Variants in SP140 observed in about 807,000 individuals in gnomAD.
SP140 encodes the protein SP140 nuclear body protein, also known as nuclear body protein SP140.
In SP140, 81 loss-of-function variants were observed where a neutral mutation model predicts 125.0. The observed-to-expected ratio is 0.65, with a 90% CI of 0.54 to 0.78. SP140 has a LOEUF of 0.78. Ranked by LOEUF, SP140 falls within the 30% of genes least tolerant of loss-of-function variation. The probability of loss-of-function intolerance (pLI) is 0.00; values close to 1 mark genes in which losing one functional copy is unlikely to be tolerated. For missense variants in SP140, 858 were observed against 1,037.0 expected (o/e 0.83, Z 2.37); for synonymous variants, 312 against 354.0 (o/e 0.88, Z 1.33).
the SP140 span, among the ~76,000 whole-genome samples, chr2:230,186,390 C>T: frequency 0.011 from 1,642 of 152,214 alleles, 21 homozygotes; most frequent in African/African-American, 0.037. Flanking sequence ...CTGTCTTGCT[C>T]ACTGCTGAGT....
chr2:230,292,566 T>C, intron 19 of SP140, 80 bp from the exon 20 acceptor site: 1 of 1,580,382 alleles, frequency 6.3e-7, no homozygotes, highest in Non-Finnish European at 8.7e-7. Flanking sequence ...TGGGTGGCTC[T>C]AGATCCAGTG....
At chr2:230,219,712 C>G (rs955373497) in intron 3 of SP140, 2 of 157,524 alleles carry the variant, frequency 1.3e-5, no homozygotes, top group Non-Finnish European at 2.7e-5. Flanking sequence ...CCTCCATGTG[C>G]CCCCTTTTAA....
At chr2:230,297,844 G>A (rs2057900452) in intron 22 of SP140, among the ~76,000 whole-genome samples, 1 of 152,136 alleles carries the variant, frequency 6.6e-6, no homozygotes, top group African/African-American at 2.4e-5. Context: ...TAAGTGGTGT[G>A]GATGAAAGGG....
In SP140 at chr2:230,278,009, T is replaced by C. The variant is rs557456946; in HGVS notation, c.1499-6337T>C. Among the ~76,000 whole-genome samples, 15 of 152,232 alleles carry C rather than the reference T, an allele frequency of 9.9e-5. 1 individual carries two copies. Among genetic ancestry groups the C allele is most frequent in the African/African-American group, 3.6e-4 (15 of 41,570 alleles). ...TATAAATTCATACCCCAAAGTGAGA[T>C]TTCTGGATTGTATGTATTTCTGTTT... On this transcript the variant is annotated intron_variant, in intron 15 of 26. Transcript: ENST00000392045.
intron 1 of SP140, chr2:230,230,665 TTAA>T (rs1327315209): frequency 3.3e-5 from 5 of 152,228 alleles, no homozygotes; most frequent in Middle Eastern, 3.1e-3. Context: ...ATGGAGTCAG[TTAA>T]TTTAGATTCC....
At position 230,226,762 on chromosome 2, in the gene SP140, CAAA is replaced by C. The variant is rs11323886; in HGVS notation, c.59+876_59+878del. 3.1e-3 allele frequency among the ~76,000 whole-genome samples: 296 copies of C among 94,228 alleles called. 3 individuals carry two copies. The highest frequency in any genetic ancestry group is 4.6e-3 in the Non-Finnish European group (215 of 46,998). 61.8% of individuals were successfully genotyped at this position (94,228 alleles called of 152,430 possible). ...GGGCAACAAGAGTGAAATTCCATCT[CAAA>C]AAAAAAAAAAAAAAAAGACAAGTAC... On this transcript the variant is annotated intron_variant, in intron 1 of 26. Transcript: ENST00000392045.
intron 1 of SP140, 131 bp downstream of exon 1, chr2:230,226,034 G>A (rs2046289379): frequency 2.7e-6 from 2 of 735,136 alleles, no homozygotes; most frequent in Non-Finnish European, 4.5e-6. Context: ...AAATAACGAG[G>A]CAATCAGATT....
chr2:230,207,913 C>A (rs1574719778), intron 1 of SP140: 2 of 737,056 alleles, frequency 2.7e-6, no homozygotes, highest in African/African-American at 1.8e-5. Context: ...GAATAAAATT[C>A]AACCCTCCAC....
intron 12 of SP140, among the ~76,000 whole-genome samples, chr2:230,262,000 A>T (rs59786244): frequency 6.6e-6 from 1 of 152,066 alleles, no homozygotes; most frequent in East Asian, 1.9e-4. Context: ...TTCTTTCTCT[A>T]TCTTGTGGAA....
chr2:230,191,142 T>C, the SP140 span, among the ~76,000 whole-genome samples: 2 of 152,146 alleles, frequency 1.3e-5, no homozygotes, highest in African/African-American at 4.8e-5. Context: ...GCTAAAGCAG[T>C]GTTAAGAGGA....
chr2:230,199,706 A>G (rs1447258462), upstream of SP140, among the ~76,000 whole-genome samples: 1 of 152,148 alleles, frequency 6.6e-6, no homozygotes, highest in African/African-American at 2.4e-5. Context: ...TTTCTTCTTC[A>G]CACTTATGCT....
At chr2:230,264,723 C>T (rs2052786954) in intron 12 of SP140, among the ~76,000 whole-genome samples, 1 of 152,224 alleles carries the variant, frequency 6.6e-6, no homozygotes, top group South Asian at 2.1e-4. Flanking sequence ...GTGAGCCAAA[C>T]TGCAGTAATT....
chr2:230,219,950 C>T, intron 3 of SP140: 10 of 985,546 alleles, frequency 1.0e-5, no homozygotes, highest in Non-Finnish European at 1.1e-5. Context: ...GGGAGAGTTA[C>T]AGGGAGATGC....
Position 230,298,637 on chromosome 2 carries a change from G to A in SP140, c.2058+1175G>A, listed in dbSNP as rs111595447. 8.9e-4 allele frequency among the ~76,000 whole-genome samples: 135 copies of A among 152,268 alleles called. 1 individual carries two copies. Among genetic ancestry groups the A allele is most frequent in the African/African-American group, 3.1e-3 (127 of 41,540 alleles). On this transcript the variant is annotated intron_variant, in intron 22 of 26. Transcript: ENST00000392045. ...TCACCCCTGTTAATAATTTTTCCAA[G>A]GCCAGTAACAACATTGACTTATAAT...
chr2:230,213,131 C>A, intron 1 of SP140: 1 of 1,097,970 alleles, frequency 9.1e-7, no homozygotes, highest in Non-Finnish European at 1.4e-6. Context: ...GGGCATGGAG[C>A]TATTCATTGT....
chr2:230,250,061 A>G (rs1215420934), intron 9 of SP140, among the ~76,000 whole-genome samples: 1 of 152,178 alleles, frequency 6.6e-6, no homozygotes, highest in African/African-American at 2.4e-5. Flanking sequence ...CAGGAACTAC[A>G]CACATCCAAA....
chr2:230,242,642 G>A (rs2048884672), intron 4 of SP140, among the ~76,000 whole-genome samples: 1 of 151,866 alleles, frequency 6.6e-6, no homozygotes, highest in Non-Finnish European at 1.5e-5. Context: ...AAGTTAGATC[G>A]AACTCCTCTG....
At chr2:230,308,366 T>C (rs891719114) in intron 22 of SP140, among the ~76,000 whole-genome samples, 9 of 151,996 alleles carry the variant, frequency 5.9e-5, no homozygotes, top group African/African-American at 2.2e-4. Context: ...AAAAACCACC[T>C]GTTCCCCCAA....
chr2:230,227,792 C>T (rs533432199), intron 1 of SP140, among the ~76,000 whole-genome samples: 17 of 152,098 alleles, frequency 1.1e-4, no homozygotes, highest in African/African-American at 3.6e-4. Context: ...TGATGATTTC[C>T]GTCTTCTCTA....
Sources: gnomAD v4.1 joint callset for allele counts (sites outside exome capture counted in the v4.1 genomes callset) on GRCh38, gnomAD v4.1.1 for gene constraint, MANE v1.5 for transcripts, NCBI Gene and HGNC (gene_info 2026-07-23, HGNC 2026-07-21) for gene names.